Variants in SUCO observed in about 807,000 individuals in gnomAD.
SUCO encodes SUN domain containing ossification factor.
A neutral mutation model predicts 148.1 loss-of-function variants in SUCO; 57 were observed. The observed-to-expected ratio is 0.38, with a 90% CI of 0.31 to 0.48. The LOEUF is 0.48. SUCO is among the 20% of genes least tolerant of loss of function. SUCO has a pLI of 0.96. For missense variants in SUCO, 1,331 were observed against 1,468.2 expected (o/e 0.91, Z 1.53); for synonymous variants, 470 against 502.7 (o/e 0.93, Z 0.87).
At chr1:172,581,004 G>A (rs539468597) in intron 15 of SUCO, among the ~76,000 whole-genome samples, 4 of 152,078 alleles carry the variant, frequency 2.6e-5, no homozygotes, top group East Asian at 1.9e-4. Flanking sequence ...CAGAGCTGAC[G>A]CAGGAGAATC....
At chr1:172,593,137 TTTGCTGAAG>T (rs1329015594) in intron 19 of SUCO, among the ~76,000 whole-genome samples, 15 of 152,250 alleles carry the variant, frequency 9.9e-5, no homozygotes, top group Non-Finnish European at 2.2e-4. Context: ...ATCCTGAGAC[TTTGCTGAAG>T]TTGCTTATCA....
intron 10 of SUCO, 76 bp downstream of exon 10, chr1:172,574,074 G>A: frequency 1.2e-6 from 1 of 829,462 alleles, no homozygotes. Context: ...CAAAAAAGTG[G>A]GTCACATTTT....
In SUCO at chr1:172,610,439, G is replaced by C. The variant is rs1658146769; in HGVS notation, c.*180G>C. The C allele has an allele frequency of 1.1e-6, 1 of 922,326 alleles. No individual in the cohort carries two copies. The highest frequency in any genetic ancestry group is 1.7e-5 in the African/African-American group (1 of 58,228). 57.1% of individuals were successfully genotyped at this position (922,326 alleles called of 1,614,324 possible). ...TGTCAATCTTGGTTAATGAGCTACA[G>C]TTTTACAAAGCTGATCACTTCCTAT... On this transcript the variant is annotated 3_prime_UTR_variant, in exon 24 of 24. Transcript: ENST00000263688.
At chr1:172,599,026 A>T (rs1338843114) in intron 19 of SUCO, among the ~76,000 whole-genome samples, 1 of 152,208 alleles carries the variant, frequency 6.6e-6, no homozygotes, top group Non-Finnish European at 1.5e-5. Context: ...ATAAATAGCT[A>T]TGTAGATATT....
At chr1:172,551,157 C>T (rs1466027744) in intron 1 of SUCO, among the ~76,000 whole-genome samples, 1 of 152,014 alleles carries the variant, frequency 6.6e-6, no homozygotes, top group African/African-American at 2.4e-5. Context: ...ATTATCTGTT[C>T]TTAAATATTT....
At chr1:172,534,190 C>T (rs1651843247) in intron 1 of SUCO, among the ~76,000 whole-genome samples, 1 of 152,102 alleles carries the variant, frequency 6.6e-6, no homozygotes, top group Non-Finnish European at 1.5e-5. Context: ...TGCTTTGTCC[C>T]TAAAGCACTC....
At chr1:172,587,573 G>T (rs1386767306) in intron 17 of SUCO, among the ~76,000 whole-genome samples, 1 of 151,960 alleles carries the variant, frequency 6.6e-6, no homozygotes, top group African/African-American at 2.4e-5. Context: ...TATTATTAGA[G>T]ACTAAATATA....
chr1:172,584,631 G>A (rs1656105593), intron 15 of SUCO, among the ~76,000 whole-genome samples: 1 of 152,042 alleles, frequency 6.6e-6, no homozygotes, highest in Admixed American at 6.6e-5. Flanking sequence ...AAATTAGCTG[G>A]ACGTGGTGGC....
chr1:172,558,681 G>C (rs544329833), intron 6 of SUCO, among the ~76,000 whole-genome samples: 15 of 152,286 alleles, frequency 9.8e-5, no homozygotes, highest in African/African-American at 3.6e-4. Flanking sequence ...GGATTTCATA[G>C]TCTAACATCT....
At chr1:172,577,952 T>A (rs1204725670) in intron 13 of SUCO, 133 bp downstream of exon 13, 1 of 631,354 alleles carries the variant, frequency 1.6e-6, no homozygotes, top group East Asian at 2.9e-5. Flanking sequence ...GTGAAACCTT[T>A]CTTTTGAATG....
intron 4 of SUCO, chr1:172,556,741 TGA>T: frequency 2.4e-5 from 24 of 984,588 alleles, no homozygotes; most frequent in Non-Finnish European, 2.8e-5. Flanking sequence ...TGAGAAATAA[TGA>T]TAGTATTTAA....
intron 1 of SUCO, chr1:172,550,966 G>A (rs1653251861): frequency 2.8e-6 from 2 of 705,782 alleles, no homozygotes; most frequent in African/African-American, 3.9e-5. Flanking sequence ...TATGTTCCTA[G>A]AGACTTTCTT....
chr1:172,588,694 C>CT (rs948468600), intron 17 of SUCO, 66 bp from the exon 18 acceptor site: 1 of 1,297,388 alleles, frequency 7.7e-7, no homozygotes, highest in African/African-American at 1.5e-5. Flanking sequence ...ATTTATTTTT[C>CT]TTTAACATAT....
chr1:172,533,471 C>T lies in SUCO; in HGVS notation c.36C>T (p.Ser12=). The part of the protein sequence containing the change: ...KKHRRALALV[S]CLFLCSLVWL... ...ACCGGCGGGCCTTGGCCCTGGTCTC[C>T]TGCCTCTTTCTGTGCTCTCTGGTCT... The change falls in exon 1 of 24, where the codon TCC becomes TCT. Residue 12 remains serine, a synonymous_variant. Coordinates refer to ENST00000263688, the MANE Select transcript of SUCO (RefSeq NM_014283.5). 5 of 1,564,654 alleles carry T rather than the reference C, an allele frequency of 3.2e-6. No individual in the cohort carries two copies. The highest frequency in any genetic ancestry group is 3.5e-6 in the Non-Finnish European group (4 of 1,153,954).
intron 9 of SUCO, among the ~76,000 whole-genome samples, chr1:172,571,177 G>C (rs980144383): frequency 1.3e-5 from 2 of 152,244 alleles, no homozygotes; most frequent in Admixed American, 1.3e-4. Flanking sequence ...TCCTGCCTCA[G>C]CCTGCGGAGT....
intron 14 of SUCO, 50 bp downstream of exon 14, chr1:172,578,439 A>C: frequency 6.4e-7 from 1 of 1,560,672 alleles, no homozygotes; most frequent in Non-Finnish European, 8.8e-7. Flanking sequence ...TTTACTTTTT[A>C]AAAATCGAAT....
intron 2 of SUCO, 95 bp from the exon 3 acceptor site, chr1:172,553,165 G>GT: frequency 7.5e-7 from 1 of 1,339,762 alleles, no homozygotes. Context: ...CAGTTTTTTG[G>GT]TTTTAAAGTA....
intron 19 of SUCO, among the ~76,000 whole-genome samples, chr1:172,599,195 G>T (rs1158240553): frequency 2.0e-5 from 3 of 152,086 alleles, no homozygotes; most frequent in Admixed American, 2.0e-4. Flanking sequence ...CGGGCATAGT[G>T]GCGGGCACCT....
At position 172,589,318 on chromosome 1, in the gene SUCO, A is replaced by G; in HGVS notation, c.2217A>G (p.Pro739=). ...LSQSLLLDIT[P]EINPLPKIEV... is the part of the protein sequence containing the mutation. ...AGTCTCTTCTTTTAGATATTACCCC[A>G]GAAATCAATCCCTTGCCTAAAATAG... Residue 739 remains proline, a synonymous_variant, in exon 18 of 24, where the codon CCA becomes CCG. Transcript: ENST00000263688. 6.2e-7 allele frequency: 1 copy of G among 1,613,482 alleles called. No individual in the cohort carries two copies. The highest frequency in any genetic ancestry group is 8.5e-7 in the Non-Finnish European group (1 of 1,179,748).
Sources: gnomAD v4.1 joint callset for allele counts (sites outside exome capture counted in the v4.1 genomes callset) on GRCh38, gnomAD v4.1.1 for gene constraint, MANE v1.5 for transcripts, NCBI Gene and HGNC (gene_info 2026-07-23, HGNC 2026-07-21) for gene names.